The following POPDC2 variants were observed in gnomAD, a reference collection of about 807,000 sequenced individuals.
The protein encoded by POPDC2 is popeye domain-containing protein 2.
POPDC2 carries 24 observed loss-of-function variants against 30.5 expected under a neutral mutation model. The ratio of observed to expected loss-of-function variants is 0.79; its 90% CI spans 0.57 to 1.11. The LOEUF (loss-of-function observed/expected upper bound fraction) is 1.11. Among genes scored for constraint, POPDC2 ranks in the 50% least tolerant of loss-of-function variants. POPDC2 has a pLI of 0.00. For missense variants in POPDC2, 409 were observed against 447.0 expected, an observed-to-expected ratio of 0.91 and a Z score of 0.77; for synonymous variants, 185 against 183.3, an observed-to-expected ratio of 1.01 and a Z score of -0.07.
intron 2 of POPDC2, 70 bp downstream of exon 2, chr3:119,654,435 T>C (rs185770039): frequency 1.9e-6 from 2 of 1,042,870 alleles, no homozygotes; most frequent in Admixed American, 1.7e-5. Flanking sequence ...AGGGGAAACA[T>C]GGAGGCACGG....
rs536043704 is a variant in POPDC2, at chr3:119,654,842, T to A, written c.492-229A>T. ...CCCTCATTTTTCCTCCTCCTTCTCC[T>A]TACTGGTGGTTCTCAATTTCAGGCT... On this transcript the variant is annotated intron_variant, in intron 1 of 3. Transcript: ENST00000493094. 9 of 492,090 alleles carry A rather than the reference T, an allele frequency of 1.8e-5. No homozygotes were observed. In the East Asian group the frequency reaches 3.2e-4, roughly 17 times the overall value. 30.5% of individuals were successfully genotyped at this position (492,090 alleles called of 1,614,324 possible).
At chr3:119,652,304 A>G (rs1188430384) in intron 2 of POPDC2, among the ~76,000 whole-genome samples, 1 of 152,188 alleles carries the variant, frequency 6.6e-6, no homozygotes, top group Non-Finnish European at 1.5e-5. Context: ...ATTAGGTACA[A>G]TGTGAATTAT....
At chr3:119,644,036 A>G (rs1015376875) in intron 3 of POPDC2, among the ~76,000 whole-genome samples, 7 of 151,990 alleles carry the variant, frequency 4.6e-5, no homozygotes, top group Admixed American at 1.3e-4. Context: ...TTATCATGTG[A>G]TTACCTAGAA....
intron 2 of POPDC2, among the ~76,000 whole-genome samples, chr3:119,652,760 G>A (rs1333364108): frequency 3.3e-5 from 5 of 152,206 alleles, no homozygotes; most frequent in African/African-American, 1.2e-4. Flanking sequence ...GTCAGGGTAG[G>A]AACATGATGG....
chr3:119,651,225 T>C (rs922330871), intron 2 of POPDC2, among the ~76,000 whole-genome samples: 8 of 152,206 alleles, frequency 5.3e-5, no homozygotes, highest in Admixed American at 5.2e-4. Flanking sequence ...TTCCTCTGTC[T>C]GATATGCTTT....
At chr3:119,643,560 C>A in intron 3 of POPDC2, 2 of 768,334 alleles carry the variant, frequency 2.6e-6, no homozygotes, top group Non-Finnish European at 4.3e-6. Flanking sequence ...TTAAAAACTG[C>A]CTTTATGTAT....
intron 3 of POPDC2, among the ~76,000 whole-genome samples, chr3:119,647,911 A>T (rs2052762142): frequency 6.6e-6 from 1 of 152,238 alleles, no homozygotes; most frequent in Non-Finnish European, 1.5e-5. Flanking sequence ...TCTAAAATGC[A>T]ATCAAGTTAA....
intron 3 of POPDC2, among the ~76,000 whole-genome samples, chr3:119,646,604 C>T (rs1577167134): frequency 6.6e-6 from 1 of 152,108 alleles, no homozygotes; most frequent in East Asian, 1.9e-4. Context: ...CATGCCACTG[C>T]ACTCCATCCT....
At chr3:119,653,827 T>G (rs145785812) in intron 2 of POPDC2, among the ~76,000 whole-genome samples, 1 of 152,060 alleles carries the variant, frequency 6.6e-6, no homozygotes, top group Non-Finnish European at 1.5e-5. Flanking sequence ...TCCTTTAGAG[T>G]CTGGGAACAG....
intron 2 of POPDC2, among the ~76,000 whole-genome samples, chr3:119,652,627 G>A (rs1192295046): frequency 6.6e-6 from 1 of 152,230 alleles, no homozygotes; most frequent in African/African-American, 2.4e-5. Flanking sequence ...CCGTGTCAGT[G>A]TCAGAAAGAG....
intron 1 of POPDC2, among the ~76,000 whole-genome samples, chr3:119,657,732 G>A (rs2052895535): frequency 1.3e-5 from 2 of 152,112 alleles, no homozygotes; most frequent in Admixed American, 6.5e-5. Context: ...AATGATCTTC[G>A]TGGCTCGCTG....
At chr3:119,643,522 G>A (rs6783324) in intron 3 of POPDC2, 257,663 of 1,026,334 alleles carry the variant, frequency 0.25, 33,905 homozygotes, top group Admixed American at 0.36. Flanking sequence ...CTTAAAATAC[G>A]CTACACATTT....
intron 3 of POPDC2, chr3:119,643,367 C>T: frequency 6.5e-7 from 1 of 1,534,222 alleles, no homozygotes; most frequent in Non-Finnish European, 8.7e-7. Flanking sequence ...TTTGCTGTAC[C>T]TTTTGTTGTC....
At chr3:119,643,065 C>A (rs189371555) in intron 3 of POPDC2, among the ~76,000 whole-genome samples, 1 of 152,326 alleles carries the variant, frequency 6.6e-6, no homozygotes, top group Admixed American at 6.5e-5. Flanking sequence ...GACAATGGAA[C>A]CTGTGGCAGG....
rs1222344891 is a variant in POPDC2, at chr3:119,651,539, C to A, written c.601-2871G>T. ...TCCTTTTAACAGTGCCTGGTATATA[C>A]TAAGTTTTCAATAAATATTATTGAA... On this transcript the variant is annotated intron_variant, in intron 2 of 3. Coordinates refer to ENST00000493094, the MANE Select transcript of POPDC2 (RefSeq NM_001369919.2). Among the ~76,000 whole-genome samples, 6 of 152,206 alleles carry A rather than the reference C, an allele frequency of 3.9e-5. No individual in the cohort carries two copies. The East Asian group carries it at 1.2e-3, about 29-fold the overall frequency.
intron 2 of POPDC2, among the ~76,000 whole-genome samples, 174 bp from the exon 3 acceptor site, chr3:119,648,842 G>A (rs956426515): frequency 1.3e-5 from 2 of 152,214 alleles, no homozygotes; most frequent in Non-Finnish European, 2.9e-5. Context: ...TTTCACTTGT[G>A]TGCACTGATA....
At position 119,648,247 on chromosome 3, in the gene POPDC2, G is replaced by A. The variant is rs149261802; in HGVS notation, c.1022C>T (p.Thr341Ile). The A allele has an allele frequency of 6.3e-5, 102 of 1,612,112 alleles. No individual in the cohort carries two copies. The highest frequency in any genetic ancestry group is 8.0e-5 in the Non-Finnish European group (94 of 1,179,152). The change falls in exon 3 of 4, where the codon ACC becomes ATC. Residue 341 changes from threonine to isoleucine, a missense_variant. Physicochemically the swap from Thr to Ile is moderately conservative, Grantham distance 89. Coordinates refer to ENST00000493094, the MANE Select transcript of POPDC2 (RefSeq NM_001369919.2). ...CTCAAAATCCTCCAGCACCAGACTGGTGGAGTCCTCACCCAGTATGCCACT... is the reference window on the plus strand; with the variant it reads ...CTCAAAATCCTCCAGCACCAGACTGATGGAGTCCTCACCCAGTATGCCACT... ...PDSGILGEDS[T>I]SLVLEDFEEV...
At chr3:119,653,046 G>A (rs1447382823) in intron 2 of POPDC2, among the ~76,000 whole-genome samples, 1 of 147,142 alleles carries the variant, frequency 6.8e-6, no homozygotes, top group Non-Finnish European at 1.5e-5. Context: ...GCGCGTGTGT[G>A]CATGCGTGTG....
At chr3:119,644,383 G>GA (rs2052723159) in intron 3 of POPDC2, among the ~76,000 whole-genome samples, 1 of 152,194 alleles carries the variant, frequency 6.6e-6, no homozygotes, top group South Asian at 2.1e-4. Context: ...ATAAGACACA[G>GA]AATGGATCCC....
Sources: gnomAD v4.1 joint callset for allele counts (sites outside exome capture counted in the v4.1 genomes callset) on GRCh38, gnomAD v4.1.1 for gene constraint, MANE v1.5 for transcripts, NCBI Gene and HGNC (gene_info 2026-07-23, HGNC 2026-07-21) for gene names.